Variants in ZDHHC17 observed in about 807,000 individuals in gnomAD.
The protein encoded by ZDHHC17 is zDHHC palmitoyltransferase 17.
A neutral mutation model predicts 90.3 loss-of-function variants in ZDHHC17; 40 were observed. The observed-to-expected ratio is 0.44, with a 90% CI of 0.34 to 0.58. The LOEUF (loss-of-function observed/expected upper bound fraction) is 0.58, where lower values mean the gene tolerates loss of function less well. Among genes scored for constraint, ZDHHC17 ranks in the 20% least tolerant of loss-of-function variants. ZDHHC17 has a pLI of 0.01. For synonymous variants in ZDHHC17, 235 were observed against 252.4 expected (o/e 0.93, Z 0.65); for missense variants, 614 against 780.8 (o/e 0.79, Z 2.55).
chr12:76,777,891 G>C lies in ZDHHC17; in HGVS notation c.93+13562G>C, dbSNP rs550276295. 4.6e-5 allele frequency among the ~76,000 whole-genome samples: 7 copies of C among 152,260 alleles called. No homozygotes were observed. The South Asian group carries it at 1.5e-3, about 32-fold the overall frequency. On this transcript the variant is annotated intron_variant, in intron 1 of 16. Coordinates refer to ENST00000426126, the MANE Select transcript of ZDHHC17 (RefSeq NM_015336.4). Reference sequence around the variant, plus strand: ...CAGAATGAAACGAGATTTACTGGTAGAGCCCAGAGAGGTTAAGGTTAAGGA... The same window carrying C: ...CAGAATGAAACGAGATTTACTGGTACAGCCCAGAGAGGTTAAGGTTAAGGA...
chr12:76,842,319 C>A (rs1182518358), intron 11 of ZDHHC17, among the ~76,000 whole-genome samples: 4 of 152,154 alleles, frequency 2.6e-5, no homozygotes, highest in Non-Finnish European at 5.9e-5. Flanking sequence ...TTTCGTGTTT[C>A]TCTCCCTTAC....
At chr12:76,845,640 AAAAT>A (rs60550548) in intron 12 of ZDHHC17, 65 bp from the exon 13 acceptor site, 385,390 of 623,438 alleles carry the variant, frequency 0.62, 119,682 homozygotes, top group East Asian at 0.72. Context: ...ATATTTTGAG[AAAAT>A]AAATAGTCAG....
intron 1 of ZDHHC17, among the ~76,000 whole-genome samples, chr12:76,779,249 C>T (rs1275624068): frequency 2.0e-5 from 3 of 152,100 alleles, no homozygotes; most frequent in Non-Finnish European, 4.4e-5. Context: ...TTATTTTCTC[C>T]CAGTCTGTAG....
intron 7 of ZDHHC17, among the ~76,000 whole-genome samples, chr12:76,821,516 A>T (rs1170820425): frequency 1.3e-5 from 2 of 152,084 alleles, no homozygotes; most frequent in Non-Finnish European, 2.9e-5. Flanking sequence ...TGGAAATAAA[A>T]TTTCAGTGGT....
At chr12:76,816,100 C>A in intron 7 of ZDHHC17, 81 bp downstream of exon 7, 1 of 1,187,352 alleles carries the variant, frequency 8.4e-7, no homozygotes, top group Non-Finnish European at 1.1e-6. Context: ...TTTTCATAGA[C>A]TGTCAGAGTT....
chr12:76,800,842 A>C (rs767336992), intron 2 of ZDHHC17, among the ~76,000 whole-genome samples: 1 of 150,442 alleles, frequency 6.6e-6, no homozygotes, highest in Non-Finnish European at 1.5e-5. Flanking sequence ...TTTACATTTA[A>C]AGTAATTACT....
At chr12:76,809,901 C>T (rs776086038) in intron 5 of ZDHHC17, 44 bp downstream of exon 5, 20 of 1,578,182 alleles carry the variant, frequency 1.3e-5, no homozygotes, top group Non-Finnish European at 1.6e-5. Flanking sequence ...AGATGTTCTT[C>T]ATAGTTTAAA....
In ZDHHC17 at chr12:76,851,156, G is replaced by A. The variant is rs1338607231; in HGVS notation, c.*171G>A. 1.2e-5 allele frequency: 8 copies of A among 682,502 alleles called. No homozygotes were observed. Among genetic ancestry groups the A allele is most frequent in the African/African-American group, 5.7e-5 (3 of 52,834 alleles). The allele number at this position is 682,502 out of a possible 1,614,324, so 42.3% of individuals were successfully genotyped here. On this transcript the variant is annotated 3_prime_UTR_variant, in exon 17 of 17. Coordinates refer to ENST00000426126, the MANE Select transcript of ZDHHC17 (RefSeq NM_015336.4). ...CACTTTTATTAACAAAAGTAAACAT[G>A]GACAGAACACACTGCCATTTCTGGG...
chr12:76,807,003 C>T (rs752648464), intron 3 of ZDHHC17, among the ~76,000 whole-genome samples: 6 of 152,196 alleles, frequency 3.9e-5, no homozygotes, highest in Non-Finnish European at 7.3e-5. Flanking sequence ...GTGCACTAAA[C>T]GTACCTCTTG....
chr12:76,771,476 G>A (rs187886251), intron 1 of ZDHHC17, among the ~76,000 whole-genome samples: 13 of 151,990 alleles, frequency 8.6e-5, no homozygotes, highest in African/African-American at 2.9e-4. Flanking sequence ...TCTGATTATC[G>A]GTGATACTGT....
In ZDHHC17 at chr12:76,853,214, T is replaced by C. The variant is rs976636379; in HGVS notation, c.*2229T>C. 3 of 152,232 alleles carry C rather than the reference T, an allele frequency of 2.0e-5. No individual in the cohort carries two copies. The highest frequency in any genetic ancestry group is 7.2e-5 in the African/African-American group (3 of 41,454). The allele number at this position is 152,232 out of a possible 1,614,324, so 9.4% of individuals were successfully genotyped here. A position where few individuals can be genotyped will look rare whatever the true frequency, so the allele number is the denominator to read the frequency against. ...TAACCATCTTGTAGTACCTGTGAAA[T>C]CTATAACTCAGAAATGGTCAGATGG... On this transcript the variant is annotated 3_prime_UTR_variant, in exon 17 of 17. Coordinates refer to ENST00000426126, the MANE Select transcript of ZDHHC17 (RefSeq NM_015336.4).
At chr12:76,839,806 A>T (rs564442676) in intron 10 of ZDHHC17, among the ~76,000 whole-genome samples, 3 of 152,162 alleles carry the variant, frequency 2.0e-5, no homozygotes, top group Admixed American at 6.5e-5. Context: ...TCGTGTTGTT[A>T]GTGGGGTTAT....
chr12:76,817,370 G>A (rs1953101891), intron 7 of ZDHHC17, among the ~76,000 whole-genome samples: 1 of 151,924 alleles, frequency 6.6e-6, no homozygotes, highest in African/African-American at 2.4e-5. Context: ...CTACCAGACA[G>A]CCATTCCTAA....
At chr12:76,843,205 G>A (rs938450185) in intron 12 of ZDHHC17, among the ~76,000 whole-genome samples, 1 of 152,084 alleles carries the variant, frequency 6.6e-6, no homozygotes, top group African/African-American at 2.4e-5. Flanking sequence ...CCGTTTATTT[G>A]TATTCATTCT....
In ZDHHC17 at chr12:76,850,958, A is replaced by G; in HGVS notation, c.1872A>G (p.Ile624Met). The change falls in exon 17 of 17, where the codon ATA becomes ATG. Residue 624 changes from isoleucine (I) to methionine (M), a missense_variant. Physicochemically the swap from Ile to Met is conservative, Grantham distance 10. Coordinates refer to ENST00000426126, the MANE Select transcript of ZDHHC17 (RefSeq NM_015336.4). ...AGTATACAATAGAATATGACCAAATATCAGGATCTGGGTACCAGCTGGTGT... is the reference window on the plus strand; with the variant it reads ...AGTATACAATAGAATATGACCAAATGTCAGGATCTGGGTACCAGCTGGTGT... Reference protein sequence around the residue: ...TRQYTIEYDQISGSGYQLV With the variant: ...TRQYTIEYDQMSGSGYQLV The G allele has an allele frequency of 6.2e-7, 1 of 1,613,916 alleles. No individual in the cohort carries two copies. Among genetic ancestry groups the G allele is most frequent in the South Asian group, 1.1e-5 (1 of 91,066 alleles).
chr12:76,819,800 C>CA (rs1489499310), intron 7 of ZDHHC17, among the ~76,000 whole-genome samples: 6 of 151,864 alleles, frequency 4.0e-5, no homozygotes, highest in Non-Finnish European at 2.9e-5. Context: ...AGTTCGAGAC[C>CA]AGCCTCAACA....
intron 2 of ZDHHC17, among the ~76,000 whole-genome samples, chr12:76,803,962 T>C (rs1042915347): frequency 2.0e-5 from 3 of 152,102 alleles, no homozygotes; most frequent in Non-Finnish European, 4.4e-5. Context: ...GCACTAGACA[T>C]GATACTAGCA....
In ZDHHC17 at chr12:76,828,409, A is replaced by G. The variant is rs767912815; in HGVS notation, c.1060A>G (p.Met354Val). 7.5e-6 allele frequency: 12 copies of G among 1,609,744 alleles called. No individual in the cohort carries two copies. The highest frequency in any genetic ancestry group is 2.2e-5 in the East Asian group (1 of 44,634). ...FLSKSFFDHS[M>V]HSALPLGIYL... is the part of the protein sequence containing the mutation. ...TTACAGATCCTTTTTCGATCATTCA[A>G]TGCATAGTGCATTGCCCCTTGGGAT... Residue 354 changes from methionine to valine, a missense_variant, in exon 10 of 17, where the codon ATG becomes GTG. Around this residue, in one of 5 missense-constraint regions of ZDHHC17, gnomAD observed 117 missense variants for 183.6 expected, o/e 0.64. Transcript: ENST00000426126.
At chr12:76,808,283 C>T (rs1184106365) in intron 3 of ZDHHC17, among the ~76,000 whole-genome samples, 1 of 151,950 alleles carries the variant, frequency 6.6e-6, no homozygotes, top group East Asian at 1.9e-4. Flanking sequence ...TTAATTATTC[C>T]CAAAGAAAGC....
Sources: gnomAD v4.1 joint callset for allele counts (sites outside exome capture counted in the v4.1 genomes callset) on GRCh38, gnomAD v4.1.1 for gene constraint, gnomAD v4.1.1 regional missense constraint, MANE v1.5 for transcripts, NCBI Gene and HGNC (gene_info 2026-07-23, HGNC 2026-07-21) for gene names.